Variants in CCDC141 observed in about 807,000 individuals in gnomAD.
CCDC141 encodes coiled-coil domain-containing protein 141.
CCDC141 carries 168 observed loss-of-function variants against 181.0 expected under a neutral mutation model. That is an observed-to-expected ratio of 0.93 (90% confidence interval 0.82 to 1.05). CCDC141 has a LOEUF of 1.05. CCDC141 is among the 50% of genes least tolerant of loss of function. The pLI is 0.00. For missense variants in CCDC141, 1,902 were observed against 1,788.5 expected (o/e 1.06, Z -1.14); for synonymous variants, 666 against 642.3 (o/e 1.04, Z -0.56).
chr2:178,970,029 A>G (rs1329808112), intron 4 of CCDC141, among the ~76,000 whole-genome samples: 5 of 152,194 alleles, frequency 3.3e-5, no homozygotes, highest in Non-Finnish European at 7.4e-5. Flanking sequence ...CAACTGCTAC[A>G]AAGAGAATAA....
At chr2:178,888,716 C>A (rs1473326426) in intron 8 of CCDC141, 48 bp from the exon 9 acceptor site, 1 of 1,543,922 alleles carries the variant, frequency 6.5e-7, no homozygotes, top group African/African-American at 1.4e-5. Flanking sequence ...CAATATAGAA[C>A]ACAGAATATT....
intron 2 of CCDC141, among the ~76,000 whole-genome samples, chr2:179,014,734 C>T (rs1274536484): frequency 1.9e-4 from 29 of 151,966 alleles, no homozygotes; most frequent in Admixed American, 1.9e-3. Context: ...CACCTTACTC[C>T]TGCAAGAATG....
intron 2 of CCDC141, among the ~76,000 whole-genome samples, chr2:179,015,071 T>TAC (rs2042392280): frequency 4.2e-5 from 1 of 23,712 alleles, no homozygotes; most frequent in Non-Finnish European, 9.5e-5. Context: ...GACAGAGATA[T>TAC]ATATATATAT....
intron 17 of CCDC141, among the ~76,000 whole-genome samples, chr2:178,859,703 T>C (rs527883703): frequency 1.3e-5 from 2 of 152,236 alleles, no homozygotes; most frequent in Non-Finnish European, 2.9e-5. Flanking sequence ...TGAGTTAACA[T>C]AGCTATAATT....
rs1320498364 is a variant in CCDC141 at position 178,885,055 on chromosome 2, A to G, written c.1565T>C (p.Met522Thr). Residue 522 changes from methionine (M) to threonine (T), a missense_variant, in exon 11 of 24, where the codon ATG becomes ACG. Transcript: ENST00000443758. The part of the protein sequence containing the change: ...SHELEAAAKT[M>T]MEKNEFVSDE... ...AGATACAAATTCATTTTTCTCCATC[A>G]TGGTTTTTGCAGCTGCTTCTAATTC... The G allele has an allele frequency of 1.9e-6, 3 of 1,550,130 alleles. No individual in the cohort carries two copies. The highest frequency in any genetic ancestry group is 2.6e-6 in the Non-Finnish European group (3 of 1,146,730).
intron 2 of CCDC141, among the ~76,000 whole-genome samples, chr2:179,014,675 A>G (rs1342407865): frequency 6.6e-6 from 1 of 152,176 alleles, no homozygotes; most frequent in Non-Finnish European, 1.5e-5. Context: ...AAAAATGCTC[A>G]GCATCACTAA....
At position 178,833,276 on chromosome 2, in the gene CCDC141, T is replaced by A. The variant is rs1215525720; in HGVS notation, c.*897A>T. The A allele has an allele frequency of 6.6e-6, 1 of 152,220 alleles. No individual in the cohort carries two copies. Among genetic ancestry groups the A allele is most frequent in the African/African-American group, 2.4e-5 (1 of 41,470 alleles). 9.4% of individuals were successfully genotyped at this position (152,220 alleles called of 1,614,324 possible). ...TATCCTTAGCCCTCAGTGTTTTCCA[T>A]TTTCCAGATGTTTAAAAGACACAAA... On this transcript the variant is annotated 3_prime_UTR_variant, in exon 24 of 24. Coordinates refer to ENST00000443758, the MANE Select transcript of CCDC141 (RefSeq NM_173648.4).
At chr2:178,979,337 G>T (rs1338495852) in intron 2 of CCDC141, among the ~76,000 whole-genome samples, 1 of 151,980 alleles carries the variant, frequency 6.6e-6, no homozygotes, top group Non-Finnish European at 1.5e-5. Flanking sequence ...GAGTACAGTA[G>T]ACTAAAATAG....
rs1187000884 is a variant in CCDC141, at chr2:178,853,450, G to A, written c.3235C>T (p.His1079Tyr). The A allele has an allele frequency of 3.1e-6, 5 of 1,613,970 alleles. No homozygotes were observed. The highest frequency in any genetic ancestry group is 1.7e-4 in the Middle Eastern group (1 of 6,056). ...RIQEATDLAQ[H>Y]LYGLEEGQKY... ...TTAAAAGAGATCTCACCATATAAGT[G>A]CTGAGCAAGGTCAGTGGCCTCCTGA... The change falls in exon 20 of 24, where the codon CAC becomes TAC. Residue 1079 changes from histidine to tyrosine, a missense_variant. His to Tyr is a moderately conservative substitution (Grantham distance 83). Transcript: ENST00000443758.
intron 2 of CCDC141, among the ~76,000 whole-genome samples, chr2:179,042,287 AT>A (rs1484111165): frequency 2.0e-5 from 3 of 152,248 alleles, no homozygotes; most frequent in African/African-American, 7.2e-5. Context: ...CTAAATGAAA[AT>A]TGAACAATGT....
chr2:178,918,023 G>A (rs976634490), intron 7 of CCDC141, among the ~76,000 whole-genome samples: 2 of 152,164 alleles, frequency 1.3e-5, no homozygotes, highest in African/African-American at 4.8e-5. Context: ...TTTCAGCCTT[G>A]ATACATTTAT....
chr2:178,989,470 T>A (rs1477409928), intron 2 of CCDC141, among the ~76,000 whole-genome samples: 2 of 151,684 alleles, frequency 1.3e-5, no homozygotes, highest in East Asian at 3.9e-4. Context: ...GGTGGGCACC[T>A]GTAATCCTAG....
chr2:178,852,256 A>T (rs1013828431), intron 20 of CCDC141, among the ~76,000 whole-genome samples: 2 of 152,202 alleles, frequency 1.3e-5, no homozygotes, highest in Non-Finnish European at 2.9e-5. Context: ...GGTCTTTGTC[A>T]GCACTTCTCA....
chr2:178,926,899 T>G (rs1235150771), intron 6 of CCDC141, among the ~76,000 whole-genome samples: 2 of 152,212 alleles, frequency 1.3e-5, no homozygotes, highest in Non-Finnish European at 2.9e-5. Context: ...ATGTACCCCA[T>G]AAATATGTAC....
chr2:178,920,698 AC>A (rs1688650900), intron 6 of CCDC141, among the ~76,000 whole-genome samples: 1 of 25,310 alleles, frequency 4.0e-5, no homozygotes, highest in Non-Finnish European at 9.4e-5. Flanking sequence ...AACTCCATAC[AC>A]ACACACACAC....
chr2:178,985,181 G>T (rs1357298705), intron 2 of CCDC141, among the ~76,000 whole-genome samples: 2 of 151,676 alleles, frequency 1.3e-5, no homozygotes, highest in African/African-American at 4.8e-5. Flanking sequence ...ACAGCTCAAC[G>T]ACATGGAAAC....
chr2:178,902,704 T>G (rs997000872), intron 8 of CCDC141, among the ~76,000 whole-genome samples: 1 of 150,854 alleles, frequency 6.6e-6, no homozygotes, highest in Middle Eastern at 3.2e-3. Context: ...GGGCAAGGAC[T>G]TCATGTCTAA....
At chr2:179,035,460 C>A (rs2043118068) in intron 2 of CCDC141, among the ~76,000 whole-genome samples, 1 of 152,142 alleles carries the variant, frequency 6.6e-6, no homozygotes, top group African/African-American at 2.4e-5. Context: ...ACCCCAAATT[C>A]TAGTAGCCTG....
At chr2:178,924,724 A>G (rs1688848392) in intron 6 of CCDC141, among the ~76,000 whole-genome samples, 1 of 152,142 alleles carries the variant, frequency 6.6e-6, no homozygotes, top group Non-Finnish European at 1.5e-5. Flanking sequence ...TTTAAACTTC[A>G]CCCTCACTAT....
Sources: allele counts gnomAD v4.1 joint callset (sites outside exome capture counted in the v4.1 genomes callset), GRCh38; gene constraint gnomAD v4.1.1; transcripts MANE v1.5; gene names NCBI Gene and HGNC (gene_info 2026-07-23, HGNC 2026-07-21).